The following FAR2 variants were observed in gnomAD, a reference collection of about 807,000 sequenced individuals.
FAR2 encodes the protein epididymis secretory protein Li 81.
Under a neutral mutation model 56.0 loss-of-function variants are expected in FAR2, and 19 were observed. The observed-to-expected ratio is 0.34, with a 90% CI of 0.24 to 0.50. FAR2 has a LOEUF of 0.50. FAR2 is among the 20% of genes least tolerant of loss of function. FAR2 has a pLI of 0.98. For missense variants in FAR2, 508 were observed against 642.2 expected, an observed-to-expected ratio of 0.79 and a Z score of 2.26; for synonymous variants, 219 against 218.8, an observed-to-expected ratio of 1.00 and a Z score of -0.01.
chr12:29,288,450 G>T (rs1379957241), intron 2 of FAR2, among the ~76,000 whole-genome samples: 1 of 152,040 alleles, frequency 6.6e-6, no homozygotes, highest in African/African-American at 2.4e-5. Flanking sequence ...TGAAATTTCT[G>T]AAATTCTGTT....
intron 1 of FAR2, among the ~76,000 whole-genome samples, chr12:29,202,493 C>G (rs1947428686): frequency 6.6e-6 from 1 of 152,122 alleles, no homozygotes; most frequent in South Asian, 2.1e-4. Context: ...TATTAAAAAA[C>G]AAGTCTGACA....
intron 1 of FAR2, among the ~76,000 whole-genome samples, chr12:29,257,698 G>A (rs962488580): frequency 2.0e-5 from 3 of 151,920 alleles, no homozygotes; most frequent in African/African-American, 4.8e-5. Context: ...CACTCACCTC[G>A]AAGGTCTGCA....
At chr12:29,327,635 C>G (rs949142003) in intron 10 of FAR2, among the ~76,000 whole-genome samples, 2 of 152,210 alleles carry the variant, frequency 1.3e-5, no homozygotes, top group East Asian at 1.9e-4. Flanking sequence ...ACAAACCTGA[C>G]AAAAACAAGA....
chr12:29,262,236 AG>A (rs2136694506), intron 1 of FAR2, among the ~76,000 whole-genome samples: 1 of 152,238 alleles, frequency 6.6e-6, no homozygotes, highest in East Asian at 1.9e-4. Flanking sequence ...ATCAGTGTTA[AG>A]TTGTCATGGG....
At chr12:29,188,416 CT>C (rs1451147514) in intron 1 of FAR2, among the ~76,000 whole-genome samples, 1 of 152,032 alleles carries the variant, frequency 6.6e-6, no homozygotes, top group Non-Finnish European at 1.5e-5. Flanking sequence ...TAAAAGCAGC[CT>C]TTTTTTAAAA....
intron 6 of FAR2, among the ~76,000 whole-genome samples, chr12:29,310,206 C>T (rs979363803): frequency 1.3e-5 from 2 of 152,200 alleles, no homozygotes; most frequent in African/African-American, 4.8e-5. Flanking sequence ...AAACGGCTTT[C>T]ATTACATGCA....
intron 1 of FAR2, among the ~76,000 whole-genome samples, chr12:29,163,258 G>A (rs778589158): frequency 6.6e-6 from 1 of 152,210 alleles, no homozygotes; most frequent in Non-Finnish European, 1.5e-5. Context: ...GTTAAATGGG[G>A]TTTATAATAG....
intron 8 of FAR2, among the ~76,000 whole-genome samples, chr12:29,315,834 A>G (rs1479813785): frequency 1.3e-5 from 2 of 152,218 alleles, no homozygotes; most frequent in East Asian, 3.8e-4. Context: ...GAGTATCAGG[A>G]GGCCAATTTT....
rs1949004129 is a variant in FAR2, at chr12:29,293,292, T to C, written c.190-8T>C. 2.6e-6 allele frequency: 4 copies of C among 1,560,890 alleles called. No homozygotes were observed. Among genetic ancestry groups the C allele is most frequent in the East Asian group, 4.7e-5 (2 of 42,722 alleles). ...TTTTTTGTATATTGATCTATATTTA[T>C]GTTTCAGCTATTTGAGAAAGTCAAA... is the stretch of plus-strand genomic sequence containing the variant. On this transcript the variant is annotated splice_polypyrimidine_tract_variant and splice_region_variant and intron_variant, in intron 2 of 11. Transcript: ENST00000536681.
chr12:29,220,229 G>T (rs1481729485), intron 1 of FAR2, among the ~76,000 whole-genome samples: 1 of 152,074 alleles, frequency 6.6e-6, no homozygotes, highest in Non-Finnish European at 1.5e-5. Flanking sequence ...CCCTTTCTTG[G>T]TTACATTTTC....
intron 1 of FAR2, among the ~76,000 whole-genome samples, chr12:29,149,929 T>C (rs968882322): frequency 6.6e-6 from 1 of 152,060 alleles, no homozygotes; most frequent in African/African-American, 2.4e-5. Flanking sequence ...CCGGAGCAGG[T>C]CCTCGCCAGC....
intron 1 of FAR2, among the ~76,000 whole-genome samples, chr12:29,185,022 T>A (rs1950027060): frequency 6.6e-6 from 1 of 152,236 alleles, no homozygotes; most frequent in Non-Finnish European, 1.5e-5. Flanking sequence ...GAAGTGATAA[T>A]GTCTGTTTCA....
At chr12:29,160,496 C>T (rs770248570) in intron 1 of FAR2, among the ~76,000 whole-genome samples, 3 of 152,192 alleles carry the variant, frequency 2.0e-5, no homozygotes, top group Non-Finnish European at 4.4e-5. Context: ...AGGCAAGTTA[C>T]TTAACTTCCT....
intron 2 of FAR2, 199 bp from the exon 3 acceptor site, chr12:29,293,101 A>G: frequency 4.8e-6 from 2 of 414,048 alleles, no homozygotes; most frequent in Non-Finnish European, 8.5e-6. Context: ...TCCTGGGCTC[A>G]AGTGATCTCC....
intron 1 of FAR2, among the ~76,000 whole-genome samples, chr12:29,203,392 A>G (rs1465504854): frequency 1.3e-5 from 2 of 152,196 alleles, no homozygotes; most frequent in Non-Finnish European, 2.9e-5. Context: ...AGTATTACCT[A>G]GTTGAGAGGT....
At chr12:29,296,334 C>T (rs1949071700) in intron 3 of FAR2, among the ~76,000 whole-genome samples, 3 of 152,144 alleles carry the variant, frequency 2.0e-5, no homozygotes, top group South Asian at 4.1e-4. Context: ...AGCTTTTCAC[C>T]AGTTCTAGTG....
At chr12:29,192,012 A>C (rs1042647609) in intron 1 of FAR2, among the ~76,000 whole-genome samples, 1 of 152,232 alleles carries the variant, frequency 6.6e-6, no homozygotes, top group Non-Finnish European at 1.5e-5. Context: ...TTGCCTGACT[A>C]TTTGTATTGG....
chr12:29,291,434 G>A lies in FAR2; in HGVS notation c.190-1866G>A, dbSNP rs549029646. ...CCTACAGTTTGAAAGCTACTGATGC[G>A]AAGATTGCTCTGGGCAGTTATAAAG... is the stretch of plus-strand genomic sequence containing the variant. On this transcript the variant is annotated intron_variant, in intron 2 of 11. Transcript: ENST00000536681. 1.6e-4 allele frequency: 71 copies of A among 456,020 alleles called. 1 individual carries two copies. The highest frequency in any genetic ancestry group is 1.6e-4 in the Non-Finnish European group (36 of 226,786). The allele number at this position is 456,020 out of a possible 1,614,324, so 28.2% of individuals were successfully genotyped here. A position where few individuals can be genotyped will look rare whatever the true frequency, so the allele number is the denominator to read the frequency against.
At chr12:29,168,209 T>C (rs1227811653) in intron 1 of FAR2, among the ~76,000 whole-genome samples, 2 of 152,208 alleles carry the variant, frequency 1.3e-5, no homozygotes, top group African/African-American at 4.8e-5. Flanking sequence ...TGGTTCTCGC[T>C]CCATAAAAGG....
Sources: allele counts gnomAD v4.1 joint callset (sites outside exome capture counted in the v4.1 genomes callset), GRCh38; gene constraint gnomAD v4.1.1; transcripts MANE v1.5; gene names NCBI Gene and HGNC (gene_info 2026-07-23, HGNC 2026-07-21).